PHKB: variants seen among roughly 807,000 people sequenced by gnomAD.
PHKB encodes phosphorylase b kinase regulatory subunit beta.
In PHKB, 122 loss-of-function variants were observed where a neutral mutation model predicts 152.1. The ratio of observed to expected loss-of-function variants is 0.80; its 90% CI spans 0.69 to 0.93. The LOEUF is 0.93. PHKB is among the 40% of genes least tolerant of loss of function. The pLI is 0.00. For missense variants in PHKB, 1,304 were observed against 1,328.4 expected, an observed-to-expected ratio of 0.98 and a Z score of 0.29; for synonymous variants, 436 against 464.9, an observed-to-expected ratio of 0.94 and a Z score of 0.80.
intron 18 of PHKB, among the ~76,000 whole-genome samples, chr16:47,650,093 T>G (rs1430375324): frequency 6.6e-6 from 1 of 152,078 alleles, no homozygotes; most frequent in Non-Finnish European, 1.5e-5. Context: ...CTGAGGCCAT[T>G]CTTGAACTGT....
intron 7 of PHKB, among the ~76,000 whole-genome samples, chr16:47,560,297 A>G (rs1444186715): frequency 6.6e-6 from 1 of 152,206 alleles, no homozygotes; most frequent in Non-Finnish European, 1.5e-5. Context: ...TTGTACTTGT[A>G]TATTGAAAAC....
intron 20 of PHKB, among the ~76,000 whole-genome samples, 190 bp from the exon 21 acceptor site, chr16:47,660,316 T>C (rs1973416500): frequency 1.3e-5 from 2 of 152,176 alleles, no homozygotes; most frequent in Admixed American, 1.3e-4. Context: ...TATTCTATTT[T>C]AGGGTTTTTT....
At chr16:47,551,884 A>C (rs758269188) in intron 7 of PHKB, among the ~76,000 whole-genome samples, 10 of 152,176 alleles carry the variant, frequency 6.6e-5, no homozygotes, top group Non-Finnish European at 1.5e-4. Flanking sequence ...TTGCTTTATG[A>C]ATCTGGGTGC....
rs5816579 is a variant in PHKB, at chr16:47,698,601, CTTTTTTTTTTT to C, written c.3144+24_3144+34del. ...AATTGAAAAACAAGTAAGTACACAG[CTTTTTTTTTTT>C]TTTTTTTTTTGAGAATTTTTTCATT... On this transcript the variant is annotated intron_variant, in intron 30 of 30. Transcript: ENST00000323584. 5.2e-5 allele frequency: 38 copies of C among 731,182 alleles called. No individual in the cohort carries two copies. The South Asian group carries it at 7.0e-4, about 13-fold the overall frequency. 45.3% of individuals were successfully genotyped at this position (731,182 alleles called of 1,614,324 possible).
chr16:47,551,246 C>T (rs531096949), intron 7 of PHKB, among the ~76,000 whole-genome samples: 1 of 152,058 alleles, frequency 6.6e-6, no homozygotes, highest in Non-Finnish European at 1.5e-5. Context: ...TATTTCTTGT[C>T]TTCTGCTAGC....
chr16:47,676,023 C>A (rs1475444041), intron 26 of PHKB: 1 of 152,144 alleles, frequency 6.6e-6, no homozygotes, highest in African/African-American at 2.4e-5. Context: ...GGCCTCAACC[C>A]CTTTAAGTGA....
At position 47,701,066 on chromosome 16, in the gene PHKB, A is replaced by G. The variant is rs369613461; in HGVS notation, c.*1700A>G. 6 of 152,350 alleles carry G rather than the reference A, an allele frequency of 3.9e-5. No individual in the cohort carries two copies. The highest frequency in any genetic ancestry group is 1.4e-4 in the African/African-American group (6 of 41,574). The allele number at this position is 152,350 out of a possible 1,614,324, so 9.4% of individuals were successfully genotyped here. A position where few individuals can be genotyped will look rare whatever the true frequency, so the allele number is the denominator to read the frequency against. Reference sequence around the variant, plus strand: ...TCAATATGTTAAGAGAGTTTATGAAAAGATAGTCGTGAAGGGTGAAGCTAA... The same window carrying G: ...TCAATATGTTAAGAGAGTTTATGAAGAGATAGTCGTGAAGGGTGAAGCTAA... On this transcript the variant is annotated 3_prime_UTR_variant, in exon 31 of 31. Coordinates refer to ENST00000323584, the MANE Select transcript of PHKB (RefSeq NM_000293.3).
intron 14 of PHKB, among the ~76,000 whole-genome samples, chr16:47,614,545 G>A (rs1972483896): frequency 6.6e-6 from 1 of 152,036 alleles, no homozygotes; most frequent in East Asian, 1.9e-4. Context: ...GTTTTCATTA[G>A]TTGGTTGTTC....
At chr16:47,503,575 A>T (rs2151644718) in intron 4 of PHKB, among the ~76,000 whole-genome samples, 1 of 152,334 alleles carries the variant, frequency 6.6e-6, no homozygotes, top group Admixed American at 6.5e-5. Flanking sequence ...TCACGCCTGT[A>T]ATCCCAGCAC....
intron 25 of PHKB, among the ~76,000 whole-genome samples, chr16:47,666,693 G>A (rs1028049448): frequency 6.6e-6 from 1 of 152,230 alleles, no homozygotes; most frequent in Non-Finnish European, 1.5e-5. Flanking sequence ...TCAGAGTCTG[G>A]GTCTTGTCCA....
chr16:47,468,872 C>T (rs2151627082), intron 1 of PHKB, among the ~76,000 whole-genome samples: 1 of 152,222 alleles, frequency 6.6e-6, no homozygotes, highest in Middle Eastern at 3.4e-3. Context: ...GCTATTTTAT[C>T]TGCCTGGAAA....
At chr16:47,675,494 C>T (rs1213785772) in intron 26 of PHKB, 1 of 146,970 alleles carries the variant, frequency 6.8e-6, no homozygotes, top group African/African-American at 2.6e-5. Flanking sequence ...AACACACACA[C>T]ACACGTACAC....
At chr16:47,579,127 G>T (rs1162963199) in intron 7 of PHKB, among the ~76,000 whole-genome samples, 1 of 152,092 alleles carries the variant, frequency 6.6e-6, no homozygotes, top group Non-Finnish European at 1.5e-5. Flanking sequence ...TATATGTAAT[G>T]TCCAAGCTTC....
intron 9 of PHKB, among the ~76,000 whole-genome samples, chr16:47,588,044 A>AT (rs1380697941): frequency 2.0e-5 from 3 of 151,844 alleles, no homozygotes; most frequent in Non-Finnish European, 4.4e-5. Flanking sequence ...AAGGTGAATT[A>AT]TTTTTTTGCC....
intron 4 of PHKB, among the ~76,000 whole-genome samples, chr16:47,503,301 G>A (rs1216251078): frequency 6.6e-6 from 1 of 152,222 alleles, no homozygotes; most frequent in African/African-American, 2.4e-5. Context: ...AGGTGATTGA[G>A]AATTGTTATT....
intron 1 of PHKB, among the ~76,000 whole-genome samples, chr16:47,476,619 T>C (rs959725630): frequency 2.0e-5 from 3 of 152,242 alleles, no homozygotes; most frequent in African/African-American, 7.2e-5. Context: ...TTGATACTTA[T>C]ACCTAAGACC....
At position 47,546,761 on chromosome 16, in the gene PHKB, A is replaced by G. The variant is rs957988959; in HGVS notation, c.595-672A>G. ...TCCTCCTTGAGCTGTGGTGGGCTCC[A>G]CCTATAGCTTCCTGGCTGCTTTGTT... On this transcript the variant is annotated intron_variant, in intron 6 of 30. Coordinates refer to ENST00000323584, the MANE Select transcript of PHKB (RefSeq NM_000293.3). Among the ~76,000 whole-genome samples the G allele has an allele frequency of 5.3e-5, 8 of 151,882 alleles. No homozygotes were observed. In the East Asian group the frequency reaches 1.6e-3, roughly 30 times the overall value.
At chr16:47,506,984 G>A (rs1001504233) in intron 4 of PHKB, among the ~76,000 whole-genome samples, 2 of 152,042 alleles carry the variant, frequency 1.3e-5, no homozygotes, top group African/African-American at 4.8e-5. Context: ...TTGTTTGGCT[G>A]GTTTTTTGAG....
chr16:47,556,692 T>G (rs1384342225), intron 7 of PHKB, among the ~76,000 whole-genome samples: 2 of 152,224 alleles, frequency 1.3e-5, no homozygotes, highest in Non-Finnish European at 2.9e-5. Flanking sequence ...TGAGGATTTT[T>G]GCATCAATGT....
Sources: gnomAD v4.1 joint callset for allele counts (sites outside exome capture counted in the v4.1 genomes callset) on GRCh38, gnomAD v4.1.1 for gene constraint, MANE v1.5 for transcripts, NCBI Gene and HGNC (gene_info 2026-07-23, HGNC 2026-07-21) for gene names.